The following INTS8 variants were observed in gnomAD, a reference collection of about 807,000 sequenced individuals.
The protein encoded by INTS8 is integrator complex subunit 8, also known as protein kaonashi-1.
Under a neutral mutation model 138.9 loss-of-function variants are expected in INTS8, and 47 were observed. That is an observed-to-expected ratio of 0.34 (90% confidence interval 0.27 to 0.43). INTS8 has a LOEUF of 0.43. Among genes scored for constraint, INTS8 ranks in the 20% least tolerant of loss-of-function variants. INTS8 has a pLI of 1.00. For missense variants in INTS8, 996 were observed against 1,173.0 expected (o/e 0.85, Z 2.20); for synonymous variants, 392 against 400.9 (o/e 0.98, Z 0.27).
intron 4 of INTS8, among the ~76,000 whole-genome samples, chr8:94,828,634 T>A (rs1814599937): frequency 1.3e-5 from 2 of 152,086 alleles, no homozygotes; most frequent in Non-Finnish European, 2.9e-5. Context: ...GTTGAGTAAA[T>A]GAGGTTGGGT....
In INTS8 at chr8:94,849,944, C is replaced by T. The variant is rs1815470186; in HGVS notation, c.1360C>T (p.Gln454Ter). 1 of 1,612,048 alleles carries T rather than the reference C, an allele frequency of 6.2e-7. No individual in the cohort carries two copies. Among genetic ancestry groups the T allele is most frequent in the Non-Finnish European group, 8.5e-7 (1 of 1,178,930 alleles). Residue 454 changes from glutamine (Q) to a stop codon, truncating the protein, a stop_gained, in exon 12 of 27, where the codon CAG (glutamine) becomes TAG (stop). Transcript: ENST00000523731. LOFTEE classifies it high-confidence loss of function. ...KNVCLGLEDL[Q>*]YVFMISSHEL... ...TGTGTGTCTGGGGTTGGAAGATCTG[C>T]AGTATGTTTTCATGATTTCTTCACA...
chr8:94,829,852 CAT>C (rs532967503), intron 5 of INTS8, among the ~76,000 whole-genome samples: 109 of 152,256 alleles, frequency 7.2e-4, no homozygotes, highest in African/African-American at 2.5e-3. Flanking sequence ...CTATGACAAA[CAT>C]GTATAGTTTA....
At chr8:94,868,735 G>A (rs1467564439) in intron 20 of INTS8, 1 of 147,390 alleles carries the variant, frequency 6.8e-6, no homozygotes, top group Non-Finnish European at 1.5e-5. Flanking sequence ...CAGTGGTGAG[G>A]TCTCAGCTCA....
At chr8:94,877,750 A>G (rs1816614457) in intron 26 of INTS8, among the ~76,000 whole-genome samples, 1 of 152,118 alleles carries the variant, frequency 6.6e-6, no homozygotes, top group African/African-American at 2.4e-5. Context: ...GTCAGGCACA[A>G]TTGTTCTGTT....
Position 94,827,317 on chromosome 8 carries a change from A to G in INTS8, c.360A>G (p.Lys120=). The G allele has an allele frequency of 1.9e-6, 3 of 1,613,782 alleles. No individual in the cohort carries two copies. Among genetic ancestry groups the G allele is most frequent in the Non-Finnish European group, 2.5e-6 (3 of 1,179,638 alleles). Residue 120 remains lysine (K), a synonymous_variant, in exon 3 of 27, where the codon AAA becomes AAG. Coordinates refer to ENST00000523731, the MANE Select transcript of INTS8 (RefSeq NM_017864.4). ...TAAATGAACTACTCTGCATCAGTAA[A>G]GTTCCTCCTGGGACAAAGCATGTAG... ...MLLNELLCIS[K]VPPGTKHVDM...
At chr8:94,853,563 C>A (rs925126576) in intron 13 of INTS8, among the ~76,000 whole-genome samples, 1 of 152,132 alleles carries the variant, frequency 6.6e-6, no homozygotes, top group Non-Finnish European at 1.5e-5. Context: ...ATATAAAACT[C>A]CTAGTCTTTG....
At chr8:94,834,437 A>T (rs1814848174) in intron 6 of INTS8, among the ~76,000 whole-genome samples, 1 of 150,686 alleles carries the variant, frequency 6.6e-6, no homozygotes, top group Non-Finnish European at 1.5e-5. Context: ...TCCAGATAGG[A>T]GGAACTCTCT....
chr8:94,873,305 C>T (rs555869629), intron 21 of INTS8, 69 bp from the exon 22 acceptor site: 6 of 1,016,152 alleles, frequency 5.9e-6, no homozygotes, highest in Non-Finnish European at 7.9e-6. Flanking sequence ...TTACACCTGA[C>T]TCTTTACAAA....
chr8:94,838,707 G>GT, intron 8 of INTS8, 89 bp downstream of exon 8: 2 of 1,040,610 alleles, frequency 1.9e-6, no homozygotes, highest in Non-Finnish European at 2.9e-6. Flanking sequence ...CCAGTTACGC[G>GT]TTTTGGGGCA....
intron 20 of INTS8, among the ~76,000 whole-genome samples, chr8:94,871,639 A>G (rs1816401735): frequency 6.6e-6 from 1 of 152,176 alleles, no homozygotes; most frequent in Admixed American, 6.5e-5. Context: ...AGCCTTGTCT[A>G]CCTTTGACAT....
intron 8 of INTS8, among the ~76,000 whole-genome samples, chr8:94,840,958 G>A (rs1288128141): frequency 6.6e-6 from 1 of 150,390 alleles, no homozygotes; most frequent in African/African-American, 2.5e-5. Flanking sequence ...TGTCACCCAG[G>A]CTGGAGTGCA....
At chr8:94,831,400 G>A (rs577430933) in intron 5 of INTS8, among the ~76,000 whole-genome samples, 41 of 152,022 alleles carry the variant, frequency 2.7e-4, no homozygotes, top group South Asian at 8.3e-4. Context: ...TTACGGGTGT[G>A]AGCCACTGCC....
At chr8:94,873,312 C>A in intron 21 of INTS8, 62 bp from the exon 22 acceptor site, 3 of 1,116,308 alleles carry the variant, frequency 2.7e-6, no homozygotes, top group Non-Finnish European at 4.1e-6. Flanking sequence ...TGACTCTTTA[C>A]AAAGGAATCC....
intron 26 of INTS8, among the ~76,000 whole-genome samples, chr8:94,879,456 G>A (rs1182461134): frequency 1.3e-5 from 2 of 151,954 alleles, no homozygotes; most frequent in Non-Finnish European, 2.9e-5. Flanking sequence ...TTAGACGGAC[G>A]AGATGGCGGG....
At chr8:94,865,850 G>T in intron 17 of INTS8, 160 bp downstream of exon 17, 2 of 666,886 alleles carry the variant, frequency 3.0e-6, no homozygotes, top group South Asian at 2.3e-5. Context: ...CACCTGTGAT[G>T]AACCTGTCTG....
At position 94,859,573 on chromosome 8, in the gene INTS8, A is replaced by T. The variant is rs1815877245; in HGVS notation, c.2017A>T (p.Asn673Tyr). The change falls in exon 16 of 27, where the codon AAT becomes TAT. Residue 673 changes from asparagine to tyrosine, a missense_variant. Coordinates refer to ENST00000523731, the MANE Select transcript of INTS8 (RefSeq NM_017864.4). ...TGCCTTTATGTTAAACTGGAGAGAAAATGAATACCTTACACTCCAAGTTCC... is the reference window on the plus strand; with the variant it reads ...TGCCTTTATGTTAAACTGGAGAGAATATGAATACCTTACACTCCAAGTTCC... ...CVAFMLNWRENEYLTLQVPAF... is the reference protein window; with the variant it reads ...CVAFMLNWREYEYLTLQVPAF... 1 of 1,612,694 alleles carries T rather than the reference A, an allele frequency of 6.2e-7. No individual in the cohort carries two copies. The highest frequency in any genetic ancestry group is 8.5e-7 in the Non-Finnish European group (1 of 1,178,906).
At chr8:94,823,867 G>T (rs996551314) in intron 1 of INTS8, among the ~76,000 whole-genome samples, 10 of 152,244 alleles carry the variant, frequency 6.6e-5, no homozygotes, top group Non-Finnish European at 8.8e-5. Context: ...GGCGGGTCTT[G>T]TGGTTGCTTG....
At chr8:94,880,061 C>T (rs1344874695) in intron 26 of INTS8, 57 bp from the exon 27 acceptor site, 10 of 1,187,854 alleles carry the variant, frequency 8.4e-6, no homozygotes, top group African/African-American at 1.5e-5. Context: ...ATTACTTGTA[C>T]CAACAAAACT....
intron 15 of INTS8, among the ~76,000 whole-genome samples, chr8:94,858,992 A>G (rs545588865): frequency 6.6e-6 from 1 of 152,312 alleles, no homozygotes; most frequent in Non-Finnish European, 1.5e-5. Context: ...GAGGCTGGGC[A>G]TGCTGGCTCA....
Sources: gnomAD v4.1 joint callset for allele counts (sites outside exome capture counted in the v4.1 genomes callset) on GRCh38, gnomAD v4.1.1 for gene constraint, MANE v1.5 for transcripts, NCBI Gene and HGNC (gene_info 2026-07-23, HGNC 2026-07-21) for gene names.